The following FAM53A variants were observed in gnomAD, a reference collection of about 807,000 sequenced individuals.
FAM53A encodes the protein protein FAM53A.
In FAM53A, 28 loss-of-function variants were observed where a neutral mutation model predicts 26.6. That is an observed-to-expected ratio of 1.05 (90% CI 0.78 to 1.45). The LOEUF (loss-of-function observed/expected upper bound fraction) is 1.45, where lower values mean the gene tolerates loss of function less well. FAM53A is among the 40% of genes most tolerant of loss of function. FAM53A has a pLI of 0.00. For synonymous variants in FAM53A, 290 were observed against 253.1 expected (o/e 1.15, Z -1.38); for missense variants, 650 against 575.8 (o/e 1.13, Z -1.32).
intron 1 of FAM53A, chr4:1,618,166 A>G: frequency 1.3e-5 from 6 of 456,246 alleles, no homozygotes; most frequent in South Asian, 7.7e-5. Context: ...AAGTAGAACC[A>G]GAAGACAGGG....
At position 1,618,102 on chromosome 4, in the gene FAM53A, G is replaced by A. The variant is rs373885241; in HGVS notation, c.442C>T (p.Arg148Trp). 1.9e-4 allele frequency: 85 copies of A among 456,382 alleles called. 2 individuals carry two copies. The East Asian group carries it at 2.9e-3, about 16-fold the overall frequency. The allele number at this position is 456,382 out of a possible 1,614,324, so 28.3% of individuals were successfully genotyped here. ...GGCAACATACTTGGTGAAACAGTCC[G>A]TGAGGCAACCTGGAAGGAAGACAGA... Residue 148 changes from arginine (R) to tryptophan (W), a missense_variant, in exon 2 of 2, where the codon CGG (arginine) becomes TGG (tryptophan). Arg to Trp is a moderately radical substitution (Grantham distance 101). Coordinates refer to the FAM53A transcript ENST00000489029.
At chr4:1,645,663 T>C (rs1311220209) in intron 4 of FAM53A, among the ~76,000 whole-genome samples, 1 of 152,146 alleles carries the variant, frequency 6.6e-6, no homozygotes, top group Non-Finnish European at 1.5e-5. Flanking sequence ...CATCAGGAGG[T>C]ATGGAGTGAG....
chr4:1,586,848 T>C, the FAM53A span, among the ~76,000 whole-genome samples: 1 of 152,162 alleles, frequency 6.6e-6, no homozygotes, highest in Non-Finnish European at 1.5e-5. Context: ...TCTTAATTTT[T>C]TGAAGCACCT....
intron 1 of FAM53A, among the ~76,000 whole-genome samples, chr4:1,674,968 G>A (rs1714941838): frequency 6.6e-6 from 1 of 152,216 alleles, no homozygotes; most frequent in Non-Finnish European, 1.5e-5. Context: ...TGCCGGAGCT[G>A]GGAAAGCCCA....
At chr4:1,631,811 G>A (rs775523347) in intron 1 of FAM53A, among the ~76,000 whole-genome samples, 9 of 152,224 alleles carry the variant, frequency 5.9e-5, no homozygotes, top group East Asian at 3.9e-4. Flanking sequence ...CTGAGGACGG[G>A]GGACACATGA....
At chr4:1,635,168 T>G (rs2108783362), downstream of FAM53A, among the ~76,000 whole-genome samples, 1 of 152,344 alleles carries the variant, frequency 6.6e-6, no homozygotes, top group Middle Eastern at 3.4e-3. Context: ...CATTCTCCCC[T>G]TTTCTCAATT....
At chr4:1,619,947 C>T (rs144175110) in intron 1 of FAM53A, among the ~76,000 whole-genome samples, 2,364 of 152,312 alleles carry the variant, frequency 0.016, 82 homozygotes, top group African/African-American at 0.053. Flanking sequence ...TGGTGGCTCA[C>T]GCCTGTAATC....
chr4:1,615,065 G>A (rs935530978), downstream of FAM53A, among the ~76,000 whole-genome samples: 22 of 152,078 alleles, frequency 1.4e-4, no homozygotes, highest in South Asian at 2.1e-4. Flanking sequence ...CACCCCACCT[G>A]GGCACACAGA....
chr4:1,658,794 G>T (rs930191683), intron 2 of FAM53A, among the ~76,000 whole-genome samples: 71 of 152,380 alleles, frequency 4.7e-4, no homozygotes, highest in Middle Eastern at 6.8e-3. Context: ...ACAGGAGGGG[G>T]GTCCTGCCGG....
chr4:1,594,143 C>T, the FAM53A span, among the ~76,000 whole-genome samples: 8 of 152,226 alleles, frequency 5.3e-5, no homozygotes, highest in African/African-American at 1.9e-4. Context: ...CTGCGAGGTC[C>T]CTGAGCCGCT....
chr4:1,657,098 G>C (rs1713443924), intron 3 of FAM53A, among the ~76,000 whole-genome samples: 1 of 152,190 alleles, frequency 6.6e-6, no homozygotes, highest in East Asian at 1.9e-4. Flanking sequence ...TTCTTTTCGT[G>C]GCCACAGGGT....
intron 1 of FAM53A, among the ~76,000 whole-genome samples, chr4:1,620,494 G>T (rs1020805336): frequency 6.6e-6 from 1 of 151,742 alleles, no homozygotes; most frequent in East Asian, 1.9e-4. Flanking sequence ...CCACCAACAG[G>T]ACCGTCATCA....
chr4:1,594,042 C>T, the FAM53A span, among the ~76,000 whole-genome samples: 1 of 152,094 alleles, frequency 6.6e-6, no homozygotes, highest in Non-Finnish European at 1.5e-5. Context: ...GCTCCCGGGG[C>T]CAAGGGTGAG....
downstream of FAM53A, among the ~76,000 whole-genome samples, chr4:1,614,971 C>T (rs375379629): frequency 1.2e-4 from 18 of 152,300 alleles, no homozygotes; most frequent in East Asian, 7.7e-4. Flanking sequence ...CAAAGGGACA[C>T]GAGAGCAAAA....
At chr4:1,612,488 C>T in the FAM53A span, among the ~76,000 whole-genome samples, 3 of 152,296 alleles carry the variant, frequency 2.0e-5, no homozygotes, top group East Asian at 3.9e-4. Flanking sequence ...TGCGCGCACA[C>T]ACACACATGC....
intron 1 of FAM53A, among the ~76,000 whole-genome samples, chr4:1,634,162 A>C (rs577722240): frequency 1.3e-5 from 2 of 151,978 alleles, no homozygotes; most frequent in African/African-American, 2.4e-5. Flanking sequence ...CCCACAGTGG[A>C]CTCTGCCTGC....
chr4:1,649,591 A>G (rs1016316462), intron 4 of FAM53A, among the ~76,000 whole-genome samples: 1 of 152,230 alleles, frequency 6.6e-6, no homozygotes, highest in South Asian at 2.1e-4. Flanking sequence ...GTCACTCATT[A>G]TGGGAAATCA....
At position 1,648,593 on chromosome 4, in the gene FAM53A, T is replaced by C. The variant is rs192876956; in HGVS notation, c.882+6385A>G. Among the ~76,000 whole-genome samples the C allele has an allele frequency of 4.2e-3, 646 of 152,228 alleles. 7 individuals are homozygous for C. Among genetic ancestry groups the C allele is most frequent in the African/African-American group, 0.015 (622 of 41,526 alleles). On this transcript the variant is annotated intron_variant, in intron 4 of 4. Transcript: ENST00000308132. ...GAGGCCCTCTCCCCACAAACCTTTTTACCAGAAAGCGATGACTACGGTCAC... is the reference window on the plus strand; with the variant it reads ...GAGGCCCTCTCCCCACAAACCTTTTCACCAGAAAGCGATGACTACGGTCAC...
At chr4:1,626,069 G>A (rs989401706) in intron 1 of FAM53A, among the ~76,000 whole-genome samples, 2 of 152,202 alleles carry the variant, frequency 1.3e-5, no homozygotes, top group African/African-American at 4.8e-5. Context: ...AGGGTGCAGG[G>A]GAAGTGGTGT....
Sources: allele counts gnomAD v4.1 joint callset (sites outside exome capture counted in the v4.1 genomes callset), GRCh38; gene constraint gnomAD v4.1.1; transcripts MANE v1.5; gene names NCBI Gene and HGNC (gene_info 2026-07-23, HGNC 2026-07-21).